Variants in UNC13A observed in about 807,000 individuals in gnomAD.
UNC13A encodes the protein protein unc-13 homolog A.
UNC13A carries 61 observed loss-of-function variants against 219.7 expected under a neutral mutation model. The observed-to-expected ratio is 0.28, with a 90% CI of 0.23 to 0.34. UNC13A has a LOEUF of 0.34. UNC13A is among the 10% of genes least tolerant of loss of function. The probability of loss-of-function intolerance (pLI) is 1.00; values close to 1 mark genes in which losing one functional copy is unlikely to be tolerated. For synonymous variants in UNC13A, 920 were observed against 884.6 expected (o/e 1.04, Z -0.71); for missense variants, 1,476 against 2,270.3 (o/e 0.65, Z 7.11).
At chr19:17,618,882 C>G in intron 39 of UNC13A, 24 bp downstream of exon 39, 1 of 1,613,718 alleles carries the variant, frequency 6.2e-7, no homozygotes. Context: ...GTCCCTCACG[C>G]CATAATCTAT....
intron 28 of UNC13A, 126 bp from the exon 29 acceptor site, chr19:17,630,876 A>G (rs1349245888): frequency 3.8e-6 from 3 of 789,296 alleles, no homozygotes; most frequent in African/African-American, 3.5e-5. Flanking sequence ...CTCTCCCTGC[A>G]GCCTTGAGTG....
rs371337307 is a variant in UNC13A, at chr19:17,627,820, G to T, written c.3831+43C>A. 756 of 1,556,348 alleles carry T rather than the reference G, an allele frequency of 4.9e-4. 4 individuals carry two copies. The African/African-American group carries it at 8.8e-3, about 18-fold the overall frequency. On this transcript the variant is annotated intron_variant, in intron 32 of 43. Coordinates refer to ENST00000519716, the MANE Select transcript of UNC13A (RefSeq NM_001080421.3). The surrounding 1 kb of genome is among the most constrained non-coding windows in gnomAD (Gnocchi z 4.7). ...GGGCCTGCAGGGACACAGTGGTGGGGGTGCCCCATCCCTTCTCCAGCCCTG... is the reference window on the plus strand; with the variant it reads ...GGGCCTGCAGGGACACAGTGGTGGGTGTGCCCCATCCCTTCTCCAGCCCTG...
chr19:17,633,039 T>C, intron 27 of UNC13A, 69 bp downstream of exon 27: 1 of 1,608,382 alleles, frequency 6.2e-7, no homozygotes, highest in South Asian at 1.1e-5. Context: ...GCTCACAGCC[T>C]TGGAGGGGAC....
At chr19:17,631,073 C>CTCCTTCCTTCCTTCCTTCCT (rs145013574) in intron 28 of UNC13A, among the ~76,000 whole-genome samples, 2 of 112,784 alleles carry the variant, frequency 1.8e-5, no homozygotes, top group Admixed American at 8.9e-5. Context: ...CCCTCCCTCC[C>CTCCTTCCTTCCTTCCTTCCT]TCCTTCCTTC....
Position 17,618,600 on chromosome 19 carries a change from C to T in UNC13A, c.4330-99G>A. ...CCCTGTTCAACTTGGAGGAGCTGGG[C>T]TGAGGGTCTATGTTTTCATCATCCC... is the stretch of plus-strand genomic sequence containing the variant. On this transcript the variant is annotated intron_variant, in intron 39 of 43. Transcript: ENST00000519716. 4.8e-6 allele frequency: 6 copies of T among 1,242,284 alleles called. No individual in the cohort carries two copies. The South Asian group carries it at 6.6e-5, about 14-fold the overall frequency. 77.0% of individuals were successfully genotyped at this position (1,242,284 alleles called of 1,614,324 possible).
chr19:17,654,355 T>C (rs2079410950), intron 11 of UNC13A, among the ~76,000 whole-genome samples: 3 of 152,332 alleles, frequency 2.0e-5, no homozygotes, highest in African/African-American at 2.4e-5. Flanking sequence ...CTTTTCACTG[T>C]GTCCTCTTCC....
At chr19:17,630,406 A>G in intron 29 of UNC13A, 118 bp from the exon 30 acceptor site, 2 of 1,466,568 alleles carry the variant, frequency 1.4e-6, no homozygotes, top group Non-Finnish European at 1.8e-6. Context: ...GGTGAGATGG[A>G]CAGAGGGCGA....
intron 12 of UNC13A, among the ~76,000 whole-genome samples, chr19:17,651,374 C>A (rs994988779): frequency 6.6e-6 from 1 of 152,200 alleles, no homozygotes; most frequent in Admixed American, 6.5e-5. Context: ...CAAGCATGCA[C>A]CACCACACCT....
At position 17,658,169 on chromosome 19, in the gene UNC13A, G is replaced by A. The variant is rs774860430; in HGVS notation, c.660C>T (p.Asn220=). 3.0e-5 allele frequency: 48 copies of A among 1,613,856 alleles called. No individual in the cohort carries two copies. Among genetic ancestry groups the A allele is most frequent in the South Asian group, 2.2e-4 (20 of 91,080 alleles). Residue 220 remains asparagine (N), a synonymous_variant, in exon 9 of 44, where the codon AAC becomes AAT. Coordinates refer to ENST00000519716, the MANE Select transcript of UNC13A (RefSeq NM_001080421.3). ...GAACAGAATATTGGTGGACTGAGGC[G>A]TTGGGTTGTGACGTAGTATAATAGG... ...PPPYYTTSQP[N]ASVHQYSVRP... is the part of the protein sequence containing the mutation.
chr19:17,616,811 G>A lies in UNC13A; in HGVS notation c.4558+891C>T, dbSNP rs545030723. ...GAGGCCACAGGGCTTTGCTCCCCTCGCCCCAGGCTGGGTGTCGATGGCGAT... is the reference window on the plus strand; with the variant it reads ...GAGGCCACAGGGCTTTGCTCCCCTCACCCCAGGCTGGGTGTCGATGGCGAT... On this transcript the variant is annotated intron_variant, in intron 41 of 43. Transcript: ENST00000519716. Among the ~76,000 whole-genome samples, 12 of 152,142 alleles carry A rather than the reference G, an allele frequency of 7.9e-5. No homozygotes were observed. In the East Asian group the frequency reaches 2.3e-3, roughly 29 times the overall value.
At chr19:17,620,552 C>T in intron 38 of UNC13A, 141 bp downstream of exon 38, 5 of 705,066 alleles carry the variant, frequency 7.1e-6, no homozygotes, top group South Asian at 6.0e-5. Context: ...GCAAGCCAGA[C>T]AGACAAAGGA....
At chr19:17,622,956 A>G (rs1190974709) in intron 36 of UNC13A, 2 of 152,370 alleles carry the variant, frequency 1.3e-5, no homozygotes, top group Non-Finnish European at 2.9e-5. Context: ...CATCAAAGCC[A>G]TGACAAAAGT....
In UNC13A at chr19:17,682,358, G is replaced by A. The variant is rs1217079798; in HGVS notation, c.22+5820C>T. ...GCCTCATTAGAGAGTTCTGGCAAAC[G>A]TAGATGGTGGATGCTACTCCTGTGC... is the stretch of plus-strand genomic sequence containing the variant. On this transcript the variant is annotated intron_variant, in intron 1 of 43. Coordinates refer to ENST00000519716, the MANE Select transcript of UNC13A (RefSeq NM_001080421.3). 3.9e-5 allele frequency among the ~76,000 whole-genome samples: 6 copies of A among 152,194 alleles called. No homozygotes were observed. In the East Asian group the frequency reaches 1.2e-3, roughly 29 times the overall value.
chr19:17,625,778 A>T (rs2144981944), intron 34 of UNC13A, among the ~76,000 whole-genome samples: 1 of 150,256 alleles, frequency 6.7e-6, no homozygotes, highest in South Asian at 2.1e-4. Flanking sequence ...TTATCCATCC[A>T]AATATTTATC....
At chr19:17,667,080 G>A (rs944537127) in intron 6 of UNC13A, among the ~76,000 whole-genome samples, 1 of 151,972 alleles carries the variant, frequency 6.6e-6, no homozygotes, top group African/African-American at 2.4e-5. Flanking sequence ...GTGAAACCCC[G>A]TCTCTACTAA....
At chr19:17,647,565 G>GC in intron 16 of UNC13A, 73 bp from the exon 17 acceptor site, 1 of 1,438,832 alleles carries the variant, frequency 7.0e-7, no homozygotes. Flanking sequence ...CGAGAGCCCC[G>GC]CCCCTACTCA....
intron 19 of UNC13A, among the ~76,000 whole-genome samples, chr19:17,644,501 AT>A (rs35342820): frequency 0.41 from 52,208 of 127,844 alleles, 10,050 homozygotes; most frequent in Middle Eastern, 0.51. Context: ...CCTGGATTCC[AT>A]TTTTTTTTTC....
intron 37 of UNC13A, among the ~76,000 whole-genome samples, chr19:17,621,094 A>C (rs2076724991): frequency 6.6e-6 from 1 of 152,160 alleles, no homozygotes; most frequent in South Asian, 2.1e-4. Context: ...CCAAGTCTAC[A>C]AAAAACATAT....
At chr19:17,620,795 C>T in intron 37 of UNC13A, 73 bp from the exon 38 acceptor site, 2 of 1,545,800 alleles carry the variant, frequency 1.3e-6, no homozygotes, top group South Asian at 1.2e-5. Context: ...CTTCCCTGCC[C>T]CCTCAAAGCA....
Sources: gnomAD v4.1 joint callset for allele counts (sites outside exome capture counted in the v4.1 genomes callset) on GRCh38, gnomAD v4.1.1 for gene constraint, Gnocchi (gnomAD v3.1) non-coding constraint, MANE v1.5 for transcripts, NCBI Gene and HGNC (gene_info 2026-07-23, HGNC 2026-07-21) for gene names.